Variants in SYTL2 observed in about 807,000 individuals in gnomAD.
SYTL2 encodes synaptotagmin like 2, also known as synaptotagmin-like protein 2.
SYTL2 carries 165 observed loss-of-function variants against 198.7 expected under a neutral mutation model. That is an observed-to-expected ratio of 0.83 (90% CI 0.73 to 0.94). SYTL2 has a LOEUF of 0.94. Among genes scored for constraint, SYTL2 ranks in the 40% least tolerant of loss-of-function variants. The pLI is 0.00. For synonymous variants in SYTL2, 966 were observed against 917.7 expected, an observed-to-expected ratio of 1.05 and a Z score of -0.95; for missense variants, 2,835 against 2,582.8, an observed-to-expected ratio of 1.10 and a Z score of -2.12.
intron 1 of SYTL2, among the ~76,000 whole-genome samples, chr11:85,779,083 A>G (rs1384640138): frequency 6.6e-6 from 1 of 152,012 alleles, no homozygotes; most frequent in Non-Finnish European, 1.5e-5. Flanking sequence ...TATACATAAA[A>G]ACTACTATAC....
the SYTL2 span, among the ~76,000 whole-genome samples, chr11:85,830,252 G>C: frequency 2.0e-5 from 3 of 152,096 alleles, no homozygotes; most frequent in Non-Finnish European, 2.9e-5. Flanking sequence ...TGATGTTGCA[G>C]GACTGGAGAC....
upstream of SYTL2, among the ~76,000 whole-genome samples, chr11:85,811,827 G>A (rs1253911370): frequency 6.6e-6 from 1 of 152,176 alleles, no homozygotes; most frequent in Non-Finnish European, 1.5e-5. Flanking sequence ...GTGGTCGGGC[G>A]CGGTGGCTCA....
At position 85,709,376 on chromosome 11, in the gene SYTL2, C is replaced by A. The variant is rs771411785; in HGVS notation, c.5870G>T (p.Cys1957Phe). Residue 1957 changes from cysteine (C) to phenylalanine (F), a missense_variant, in exon 14 of 20, where the codon TGT becomes TTT. Physicochemically the swap from Cys to Phe is radical, Grantham distance 205. Coordinates refer to ENST00000359152, the MANE Select transcript of SYTL2 (RefSeq NM_206927.4). ...LKELHVFVAQ[C>F]KDLAAADVKK... ...TACATCCGCTGCTGCTAAGTCCTTACACTGGGCCACAAAAACATGCAACTC... is the reference window on the plus strand; with the variant it reads ...TACATCCGCTGCTGCTAAGTCCTTAAACTGGGCCACAAAAACATGCAACTC... The A allele has an allele frequency of 1.2e-6, 2 of 1,614,160 alleles. No individual in the cohort carries two copies. Among genetic ancestry groups the A allele is most frequent in the East Asian group, 4.5e-5 (2 of 44,870 alleles).
chr11:85,723,096 A>G (rs2088600200), intron 8 of SYTL2, among the ~76,000 whole-genome samples: 1 of 152,250 alleles, frequency 6.6e-6, no homozygotes, highest in African/African-American at 2.4e-5. Context: ...CATTTTAATC[A>G]GGTAGCTTCT....
chr11:85,782,658 AC>A (rs2092579751), intron 1 of SYTL2, among the ~76,000 whole-genome samples: 1 of 152,236 alleles, frequency 6.6e-6, no homozygotes, highest in Non-Finnish European at 1.5e-5. Context: ...AATGCTTTTA[AC>A]AGCATTCAGG....
chr11:85,790,791 GA>G (rs2092717098), intron 1 of SYTL2, among the ~76,000 whole-genome samples: 1 of 152,146 alleles, frequency 6.6e-6, no homozygotes, highest in African/African-American at 2.4e-5. Flanking sequence ...ATAGGACCTG[GA>G]AACCACTTTA....
the SYTL2 span, among the ~76,000 whole-genome samples, chr11:85,846,125 G>C: frequency 6.6e-6 from 1 of 152,104 alleles, no homozygotes; most frequent in African/African-American, 2.4e-5. Context: ...TTATAAGGTG[G>C]GGTCAGCTAG....
chr11:85,778,101 G>A (rs368539234), intron 1 of SYTL2, among the ~76,000 whole-genome samples: 12 of 152,082 alleles, frequency 7.9e-5, no homozygotes, highest in Admixed American at 2.0e-4. Flanking sequence ...TTACAGGCAG[G>A]AACCATCATG....
chr11:85,704,537 C>T (rs2091849455), intron 16 of SYTL2, among the ~76,000 whole-genome samples: 1 of 152,104 alleles, frequency 6.6e-6, no homozygotes, highest in Non-Finnish European at 1.5e-5. Context: ...ACATTACATC[C>T]TTTAATCATT....
chr11:85,758,629 C>A (rs1197461933), intron 1 of SYTL2, among the ~76,000 whole-genome samples: 2 of 152,200 alleles, frequency 1.3e-5, no homozygotes, highest in Non-Finnish European at 2.9e-5. Flanking sequence ...TCACTGCTAA[C>A]CTTTGCTGGA....
At chr11:85,779,535 T>C (rs983403509) in intron 1 of SYTL2, among the ~76,000 whole-genome samples, 17 of 152,170 alleles carry the variant, frequency 1.1e-4, no homozygotes, top group Non-Finnish European at 2.2e-4. Context: ...TATATATGGA[T>C]ATATTATAGA....
intron 2 of SYTL2, among the ~76,000 whole-genome samples, chr11:85,750,191 G>A (rs2091430723): frequency 6.6e-6 from 1 of 152,072 alleles, no homozygotes; most frequent in South Asian, 2.1e-4. Context: ...TGGGATCTTG[G>A]ACAGTTTACC....
In SYTL2 at chr11:85,724,058, T is replaced by G; in HGVS notation, c.5300A>C (p.Asn1767Thr). The change falls in exon 8 of 20, where the codon AAT (asparagine) becomes ACT (threonine). Residue 1767 changes from asparagine to threonine, a missense_variant. Physicochemically the swap from Asn to Thr is moderately conservative, Grantham distance 65. Transcript: ENST00000359152. Reference protein sequence around the residue: ...SDFSDGNTSSNAESWRNPSSS... With the variant: ...SDFSDGNTSSTAESWRNPSSS... ...GGAAGGATTTCTCCAGCTCTCTGCA[T>G]TAGAACTGGTGTTTCCATCTGAAAA... 1 of 1,534,578 alleles carries G rather than the reference T, an allele frequency of 6.5e-7. No individual in the cohort carries two copies. The highest frequency in any genetic ancestry group is 1.4e-5 in the South Asian group (1 of 73,748).
the SYTL2 span, among the ~76,000 whole-genome samples, chr11:85,826,718 T>C: frequency 1.3e-5 from 2 of 152,244 alleles, no homozygotes; most frequent in African/African-American, 4.8e-5. Context: ...CATGCTCGTT[T>C]AACTCCCTTC....
At chr11:85,852,308 A>AC in the SYTL2 span, among the ~76,000 whole-genome samples, 1 of 152,162 alleles carries the variant, frequency 6.6e-6, no homozygotes, top group African/African-American at 2.4e-5. Context: ...AAATGTAACT[A>AC]CCAGGACATA....
In SYTL2 at chr11:85,790,826, GA is replaced by G. The variant is rs562150368; in HGVS notation, c.-390+20127del. Among the ~76,000 whole-genome samples, 13 of 152,226 alleles carry G rather than the reference GA, an allele frequency of 8.5e-5. No homozygotes were observed. The South Asian group carries it at 2.7e-3, about 32-fold the overall frequency. ...TAATGTGAAGAGATGAAATGCAGCA[GA>G]AGAAATGTTCATGTGAACAAATGTG... On this transcript the variant is annotated intron_variant, in intron 1 of 19. Coordinates refer to ENST00000359152, the MANE Select transcript of SYTL2 (RefSeq NM_206927.4).
At chr11:85,701,141 C>T (rs1459908632) in intron 16 of SYTL2, among the ~76,000 whole-genome samples, 2 of 152,128 alleles carry the variant, frequency 1.3e-5, no homozygotes, top group African/African-American at 2.4e-5. Flanking sequence ...TTCAAGTACA[C>T]GTTGAATATT....
intron 7 of SYTL2, among the ~76,000 whole-genome samples, chr11:85,730,550 T>C (rs1482033452): frequency 6.6e-6 from 1 of 152,262 alleles, no homozygotes; most frequent in South Asian, 2.1e-4. Context: ...ACAGCCCTTC[T>C]TGCTAAAAAC....
the SYTL2 span, among the ~76,000 whole-genome samples, chr11:85,833,720 C>T: frequency 6.9e-6 from 1 of 145,974 alleles, no homozygotes; most frequent in East Asian, 2.0e-4. Flanking sequence ...ACCTTTGAGT[C>T]GAAGATTTCT....
Sources: allele counts gnomAD v4.1 joint callset (sites outside exome capture counted in the v4.1 genomes callset), GRCh38; gene constraint gnomAD v4.1.1; transcripts MANE v1.5; gene names NCBI Gene and HGNC (gene_info 2026-07-23, HGNC 2026-07-21).